The following MINDY4 variants were observed in gnomAD, a reference collection of about 807,000 sequenced individuals.
The protein encoded by MINDY4 is probable ubiquitin carboxyl-terminal hydrolase MINDY-4.
Under a neutral mutation model 87.0 loss-of-function variants are expected in MINDY4, and 68 were observed. The ratio of observed to expected loss-of-function variants is 0.78; its 90% CI spans 0.64 to 0.96. The LOEUF is 0.96. Among genes scored for constraint, MINDY4 ranks in the 40% least tolerant of loss-of-function variants. MINDY4 has a pLI of 0.00. For synonymous variants in MINDY4, 379 were observed against 363.2 expected (o/e 1.04, Z -0.50); for missense variants, 919 against 928.2 (o/e 0.99, Z 0.13).
chr7:30,853,544 G>T, intron 12 of MINDY4, 85 bp downstream of exon 12: 3 of 1,231,420 alleles, frequency 2.4e-6, no homozygotes, highest in Non-Finnish European at 2.3e-6. Flanking sequence ...AACTGGAGTT[G>T]TTCTCCTGTC....
chr7:30,824,986 G>T (rs1434301732), intron 5 of MINDY4, among the ~76,000 whole-genome samples: 1 of 123,008 alleles, frequency 8.1e-6, no homozygotes, highest in Non-Finnish European at 1.6e-5. Flanking sequence ...TCTCTCTGGG[G>T]GGCATGAGAG....
chr7:30,778,928 A>G (rs529392606), intron 2 of MINDY4, among the ~76,000 whole-genome samples: 2 of 152,312 alleles, frequency 1.3e-5, no homozygotes, highest in African/African-American at 4.8e-5. Context: ...TGCCCTGCTT[A>G]TGTAAGAGTT....
At chr7:30,783,364 A>G (rs890365483) in intron 3 of MINDY4, among the ~76,000 whole-genome samples, 1 of 152,142 alleles carries the variant, frequency 6.6e-6, no homozygotes, top group Non-Finnish European at 1.5e-5. Flanking sequence ...AGATAATCCC[A>G]TTTTAAGACT....
At chr7:30,797,111 T>C (rs58439333) in intron 5 of MINDY4, among the ~76,000 whole-genome samples, 75 of 152,338 alleles carry the variant, frequency 4.9e-4, no homozygotes, top group African/African-American at 1.7e-3. Flanking sequence ...ACCATGGAGA[T>C]TGGCAAATGC....
intron 1 of MINDY4, among the ~76,000 whole-genome samples, chr7:30,774,181 T>G (rs924790843): frequency 1.2e-4 from 18 of 152,238 alleles, no homozygotes; most frequent in African/African-American, 2.4e-5. Flanking sequence ...TTCTCTCTCT[T>G]CAAACCCTGA....
chr7:30,774,859 C>T (rs1261978365), intron 1 of MINDY4, among the ~76,000 whole-genome samples: 8 of 152,016 alleles, frequency 5.3e-5, no homozygotes, highest in Non-Finnish European at 7.4e-5. Flanking sequence ...GCTCTCTTCT[C>T]TTCTTCTTTC....
intron 5 of MINDY4, among the ~76,000 whole-genome samples, chr7:30,828,256 A>G (rs1185569419): frequency 6.6e-6 from 1 of 152,152 alleles, no homozygotes; most frequent in Non-Finnish European, 1.5e-5. Flanking sequence ...AGAGGAAACA[A>G]ACAAACAAAA....
At chr7:30,800,495 G>C (rs1328303629) in intron 5 of MINDY4, among the ~76,000 whole-genome samples, 1 of 152,172 alleles carries the variant, frequency 6.6e-6, no homozygotes, top group Non-Finnish European at 1.5e-5. Context: ...CACTGGGGAT[G>C]CCAGTGCATG....
chr7:30,833,377 C>A (rs780304297), intron 6 of MINDY4, among the ~76,000 whole-genome samples: 1 of 151,554 alleles, frequency 6.6e-6, no homozygotes, highest in Non-Finnish European at 1.5e-5. Flanking sequence ...AGGCAAGCTT[C>A]TGTTTTTAAA....
chr7:30,865,693 C>T (rs527632880), intron 13 of MINDY4, among the ~76,000 whole-genome samples: 71 of 152,342 alleles, frequency 4.7e-4, no homozygotes, highest in African/African-American at 1.6e-3. Flanking sequence ...CCATCTTAGG[C>T]CTTTGTTGTC....
intron 5 of MINDY4, among the ~76,000 whole-genome samples, chr7:30,793,538 C>G: frequency 6.6e-6 from 1 of 151,900 alleles, no homozygotes; most frequent in East Asian, 1.9e-4. Flanking sequence ...ACCTTAGCTT[C>G]CTAAGTACGT....
In MINDY4 at chr7:30,828,043, A is replaced by G. The variant is rs116877098; in HGVS notation, c.1074-636A>G. Among the ~76,000 whole-genome samples, 1,344 of 152,304 alleles carry G rather than the reference A, an allele frequency of 8.8e-3. 8 individuals are homozygous for G. Among genetic ancestry groups the G allele is most frequent in the Middle Eastern group, 0.014 (4 of 294 alleles). On this transcript the variant is annotated intron_variant, in intron 5 of 17. Transcript: ENST00000265299. ...CAGAAAAATCTAAAGGGAGCTTTAG[A>G]AAATGCTCCCTCAAAGGGTCCACCC...
intron 5 of MINDY4, among the ~76,000 whole-genome samples, chr7:30,819,117 G>C (rs955164246): frequency 6.6e-6 from 1 of 151,816 alleles, no homozygotes; most frequent in African/African-American, 2.4e-5. Flanking sequence ...CTATTCTGTT[G>C]TTCTCTTTTG....
At chr7:30,792,032 T>C (rs989601436) in intron 5 of MINDY4, among the ~76,000 whole-genome samples, 1 of 152,212 alleles carries the variant, frequency 6.6e-6, no homozygotes, top group Admixed American at 6.5e-5. Context: ...TGCAGCAACA[T>C]GGCCAGGCAG....
chr7:30,771,430 C>A lies in MINDY4; in HGVS notation c.-64C>A. On this transcript the variant is annotated 5_prime_UTR_variant, in exon 1 of 18. Transcript: ENST00000265299. ...GGCAACGCGGCCATACTGCGCCGGA[C>A]AGACCCAGTTGCCTGGTGCTGCGGC... 6.5e-7 allele frequency: 1 copy of A among 1,542,564 alleles called. No homozygotes were observed. The highest frequency in any genetic ancestry group is 1.2e-5 in the South Asian group (1 of 83,936).
At chr7:30,838,550 A>AAC (rs1359919918) in intron 7 of MINDY4, among the ~76,000 whole-genome samples, 2 of 152,128 alleles carry the variant, frequency 1.3e-5, no homozygotes, top group Non-Finnish European at 2.9e-5. Context: ...TCATGGTATG[A>AAC]ACACAGCCAT....
chr7:30,882,220 G>T lies in MINDY4; in HGVS notation c.2011G>T (p.Val671Leu), dbSNP rs1047414927. 6.2e-7 allele frequency: 1 copy of T among 1,613,412 alleles called. No homozygotes were observed. Among genetic ancestry groups the T allele is most frequent in the Non-Finnish European group, 8.5e-7 (1 of 1,179,550 alleles). ...GAAGACCCCGAGGTTCCCCATCTGG[G>T]TGGTTTGCAGTGAGAGCCACTTCAG... ...FLKTPRFPIW[V>L]VCSESHFSIL... Residue 671 changes from valine to leucine, a missense_variant, in exon 16 of 18, where the codon GTG (valine) becomes TTG (leucine). Coordinates refer to ENST00000265299, the MANE Select transcript of MINDY4 (RefSeq NM_032222.3).
At chr7:30,805,321 A>C (rs1245609291) in intron 5 of MINDY4, among the ~76,000 whole-genome samples, 1 of 152,094 alleles carries the variant, frequency 6.6e-6, no homozygotes, top group East Asian at 1.9e-4. Flanking sequence ...CCTGAAGGGG[A>C]GGTGCTGCTT....
intron 5 of MINDY4, among the ~76,000 whole-genome samples, chr7:30,815,485 C>G (rs1382244099): frequency 6.6e-6 from 1 of 152,194 alleles, no homozygotes; most frequent in Non-Finnish European, 1.5e-5. Context: ...TCCAGCATCT[C>G]ATGATGGGTG....
Sources: gnomAD v4.1 joint callset for allele counts (sites outside exome capture counted in the v4.1 genomes callset) on GRCh38, gnomAD v4.1.1 for gene constraint, MANE v1.5 for transcripts, NCBI Gene and HGNC (gene_info 2026-07-23, HGNC 2026-07-21) for gene names.